IP6K3: variants seen among roughly 807,000 people sequenced by gnomAD.
IP6K3 encodes the protein inositol hexakisphosphate kinase 3, also known as ATP:1D-myo-inositol-hexakisphosphate phosphotransferase.
IP6K3 carries 20 observed loss-of-function variants against 28.8 expected under a neutral mutation model. That is an observed-to-expected ratio of 0.70 (90% CI 0.49 to 1.01). IP6K3 has a LOEUF of 1.01. IP6K3 is among the 50% of genes least tolerant of loss of function. The probability of loss-of-function intolerance (pLI) is 0.00; values close to 1 mark genes in which losing one functional copy is unlikely to be tolerated. For synonymous variants in IP6K3, 213 were observed against 221.3 expected, an observed-to-expected ratio of 0.96 and a Z score of 0.33; for missense variants, 480 against 537.1, an observed-to-expected ratio of 0.89 and a Z score of 1.05.
At chr6:33,724,842 C>G (rs553957247) in intron 5 of IP6K3, among the ~76,000 whole-genome samples, 1 of 152,192 alleles carries the variant, frequency 6.6e-6, no homozygotes, top group Non-Finnish European at 1.5e-5. Flanking sequence ...ACAACATGAG[C>G]AGGAGCCACA....
At chr6:33,749,817 T>G (rs1265028994), upstream of IP6K3, among the ~76,000 whole-genome samples, 1 of 151,916 alleles carries the variant, frequency 6.6e-6, no homozygotes, top group African/African-American at 2.4e-5. Context: ...ATCATTCCCC[T>G]CATTTCACAG....
the IP6K3 span, among the ~76,000 whole-genome samples, chr6:33,761,852 T>G: frequency 1.6e-4 from 25 of 151,908 alleles, no homozygotes; most frequent in African/African-American, 6.0e-4. Flanking sequence ...AGTCTCCTCA[T>G]CCTCAGTCTC....
At chr6:33,731,246 C>T (rs1290594534) in intron 2 of IP6K3, among the ~76,000 whole-genome samples, 2 of 152,138 alleles carry the variant, frequency 1.3e-5, no homozygotes, top group Non-Finnish European at 2.9e-5. Flanking sequence ...TTCAAGCTGC[C>T]CTCCAGCACT....
upstream of IP6K3, among the ~76,000 whole-genome samples, chr6:33,751,315 G>T (rs1767018474): frequency 1.3e-5 from 2 of 152,224 alleles, no homozygotes; most frequent in African/African-American, 4.8e-5. This position sits in a 1 kb window ranked among gnomAD's most constrained non-coding sequence, Gnocchi z 4.3. Context: ...TGGGGTAGAA[G>T]GGCCGGCCCA....
upstream of IP6K3, among the ~76,000 whole-genome samples, chr6:33,748,940 T>C (rs1381783672): frequency 2.0e-5 from 3 of 152,020 alleles, no homozygotes; most frequent in Non-Finnish European, 1.5e-5. Flanking sequence ...GGAAGGCACA[T>C]GGCCTCTTGT....
At chr6:33,759,329 T>C in the IP6K3 span, among the ~76,000 whole-genome samples, 1 of 152,052 alleles carries the variant, frequency 6.6e-6, no homozygotes, top group African/African-American at 2.4e-5. Flanking sequence ...CAGGCTGGAG[T>C]GCAGTGGCGC....
the IP6K3 span, among the ~76,000 whole-genome samples, chr6:33,756,582 T>C: frequency 2.0e-5 from 3 of 152,084 alleles, no homozygotes; most frequent in Non-Finnish European, 4.4e-5. Flanking sequence ...CAGTGCAAAA[T>C]GAAATCTTGG....
At chr6:33,730,970 G>A (rs925756053) in intron 2 of IP6K3, among the ~76,000 whole-genome samples, 2 of 152,186 alleles carry the variant, frequency 1.3e-5, no homozygotes, top group Non-Finnish European at 2.9e-5. Flanking sequence ...GGTCGTCAGC[G>A]CTGAGGGCTG....
intron 2 of IP6K3, among the ~76,000 whole-genome samples, chr6:33,733,581 C>G (rs1437617595): frequency 6.6e-6 from 1 of 152,260 alleles, no homozygotes; most frequent in Non-Finnish European, 1.5e-5. Flanking sequence ...ATCCTGCCAC[C>G]CCTCTGCTGG....
At position 33,725,635 on chromosome 6, in the gene IP6K3, G is replaced by C; in HGVS notation, c.590-19C>G. 1 of 1,609,156 alleles carries C rather than the reference G, an allele frequency of 6.2e-7. No homozygotes were observed. The highest frequency in any genetic ancestry group is 1.1e-5 in the South Asian group (1 of 90,712). ...AAGAACCCTAGTCACACTAAGTTAA[G>C]GAAGGCTCTGAGGACTTCAGAACTG... On this transcript the variant is annotated intron_variant, in intron 4 of 5. Transcript: ENST00000293756.
In IP6K3 at chr6:33,726,766, C is replaced by A. The variant is rs746168984; in HGVS notation, c.554G>T (p.Arg185Leu). 3 of 1,603,544 alleles carry A rather than the reference C, an allele frequency of 1.9e-6. No individual in the cohort carries two copies. In the South Asian group the frequency reaches 3.3e-5, roughly 18 times the overall value. Residue 185 changes from arginine to leucine, a missense_variant, in exon 4 of 6, where the codon CGC becomes CTC. Physicochemically the swap from Arg to Leu is moderately radical, Grantham distance 102. Coordinates refer to ENST00000293756, the MANE Select transcript of IP6K3 (RefSeq NM_054111.5). ...GTTCTCTGGGTACTCGGAGCACAGG[C>A]GGGTCAGGTGGGCCTGGTGGCATTG... The part of the protein sequence containing the change: ...GLQCHQAHLT[R>L]LCSEYPENKR...
chr6:33,734,059 C>T (rs967714341), intron 2 of IP6K3, among the ~76,000 whole-genome samples: 3 of 151,964 alleles, frequency 2.0e-5, no homozygotes, highest in East Asian at 1.9e-4. Flanking sequence ...AAAAATTGGC[C>T]GAGCATGGTG....
rs1388411497 is a variant in IP6K3, at chr6:33,742,714, C to T, written c.-180+4044G>A. Among the ~76,000 whole-genome samples, 1 of 152,170 alleles carries T rather than the reference C, an allele frequency of 6.6e-6. No individual in the cohort carries two copies. Among genetic ancestry groups the T allele is most frequent in the Non-Finnish European group, 1.5e-5 (1 of 68,028 alleles). On this transcript the variant is annotated intron_variant, in intron 1 of 5. Transcript: ENST00000293756. This position sits in a 1 kb window ranked among gnomAD's most constrained non-coding sequence, Gnocchi z 4.5. Reference sequence around the variant, plus strand: ...AATTCCTAGTAGTTTTTGTCATCGTCTATTTTTCTCAATCAACAGATCCTA... The same window carrying T: ...AATTCCTAGTAGTTTTTGTCATCGTTTATTTTTCTCAATCAACAGATCCTA...
At chr6:33,733,558 C>T (rs140360265) in intron 2 of IP6K3, among the ~76,000 whole-genome samples, 487 of 152,336 alleles carry the variant, frequency 3.2e-3, no homozygotes, top group African/African-American at 0.01. Context: ...GGCAGGAGGC[C>T]GCCCCACACA....
chr6:33,741,379 C>G (rs116351971), intron 1 of IP6K3, among the ~76,000 whole-genome samples: 10 of 152,248 alleles, frequency 6.6e-5, no homozygotes, highest in Admixed American at 5.2e-4. Context: ...TGGTGGCTCA[C>G]GCCTGTAATT....
At chr6:33,759,931 C>T in the IP6K3 span, among the ~76,000 whole-genome samples, 2 of 151,984 alleles carry the variant, frequency 1.3e-5, no homozygotes, top group East Asian at 3.8e-4. Context: ...GGTCCATGCA[C>T]CAATGTGGAC....
the IP6K3 span, among the ~76,000 whole-genome samples, chr6:33,755,216 A>C: frequency 6.6e-6 from 1 of 152,264 alleles, no homozygotes; most frequent in Non-Finnish European, 1.5e-5. Flanking sequence ...AGGCCAGTGC[A>C]GAAACCCAGA....
intron 1 of IP6K3, among the ~76,000 whole-genome samples, chr6:33,738,374 CA>C (rs1201968512): frequency 6.6e-6 from 1 of 152,222 alleles, no homozygotes; most frequent in Non-Finnish European, 1.5e-5. Flanking sequence ...GGGAAGTCCA[CA>C]CCCCTCGTCT....
At chr6:33,749,123 C>G (rs1766987078), upstream of IP6K3, among the ~76,000 whole-genome samples, 1 of 152,086 alleles carries the variant, frequency 6.6e-6, no homozygotes, top group South Asian at 2.1e-4. Flanking sequence ...GAGCAGGAGG[C>G]CCTTCAGGTT....
Sources: gnomAD v4.1 joint callset for allele counts (sites outside exome capture counted in the v4.1 genomes callset) on GRCh38, gnomAD v4.1.1 for gene constraint, Gnocchi (gnomAD v3.1) non-coding constraint, MANE v1.5 for transcripts, NCBI Gene and HGNC (gene_info 2026-07-23, HGNC 2026-07-21) for gene names.